STAU2: variants seen among roughly 807,000 people sequenced by gnomAD.
The protein encoded by STAU2 is staufen double-stranded RNA binding protein 2.
Under a neutral mutation model 65.9 loss-of-function variants are expected in STAU2, and 20 were observed. That is an observed-to-expected ratio of 0.30 (90% CI 0.21 to 0.44). The LOEUF (loss-of-function observed/expected upper bound fraction) is 0.44. STAU2 is among the 20% of genes least tolerant of loss of function. The pLI, the probability that STAU2 is intolerant of heterozygous loss-of-function variation, is 1.00. For missense variants in STAU2, 558 were observed against 683.9 expected (o/e 0.82, Z 2.05); for synonymous variants, 232 against 233.9 (o/e 0.99, Z 0.07).
chr8:73,536,168 T>C (rs995394278), intron 13 of STAU2, among the ~76,000 whole-genome samples: 1 of 152,186 alleles, frequency 6.6e-6, no homozygotes, highest in Non-Finnish European at 1.5e-5. Flanking sequence ...CTGGACGCTA[T>C]ATATAAAATA....
chr8:73,526,432 GT>G (rs1371607754), intron 13 of STAU2, among the ~76,000 whole-genome samples: 8 of 152,176 alleles, frequency 5.3e-5, no homozygotes, highest in Admixed American at 1.3e-4. Context: ...CCTTAAGAAT[GT>G]TTTCCAAAGT....
intron 13 of STAU2, among the ~76,000 whole-genome samples, chr8:73,444,273 G>A (rs1443383315): frequency 1.3e-5 from 2 of 152,072 alleles, no homozygotes; most frequent in African/African-American, 4.8e-5. Flanking sequence ...AGGCATGGTG[G>A]TGCACACCTG....
chr8:73,485,140 T>A (rs1200916148), intron 13 of STAU2, among the ~76,000 whole-genome samples: 2 of 104,790 alleles, frequency 1.9e-5, no homozygotes, highest in Non-Finnish European at 1.8e-5. Flanking sequence ...ACATCCTTAC[T>A]CTTTTTTTTT....
chr8:73,447,816 G>A (rs1306190931), intron 13 of STAU2, among the ~76,000 whole-genome samples: 3 of 152,156 alleles, frequency 2.0e-5, no homozygotes, highest in African/African-American at 7.2e-5. Context: ...TGGGTGGCTA[G>A]GGGACACTTC....
chr8:73,543,930 A>G (rs1032502766), intron 13 of STAU2, among the ~76,000 whole-genome samples: 2 of 152,208 alleles, frequency 1.3e-5, no homozygotes, highest in African/African-American at 4.8e-5. Context: ...ACCGATTTCA[A>G]CTGCCTACTG....
chr8:73,745,506 G>A (rs969798267), intron 1 of STAU2, among the ~76,000 whole-genome samples: 1 of 152,190 alleles, frequency 6.6e-6, no homozygotes, highest in Non-Finnish European at 1.5e-5. Context: ...AAGTATTCAC[G>A]ATGCTGGTCT....
intron 7 of STAU2, among the ~76,000 whole-genome samples, chr8:73,617,036 T>C (rs569549831): frequency 6.6e-6 from 1 of 152,272 alleles, no homozygotes; most frequent in African/African-American, 2.4e-5. Context: ...TAGTATGAAA[T>C]ATAAGCCAAA....
At chr8:73,552,998 A>T (rs990097477) in intron 12 of STAU2, among the ~76,000 whole-genome samples, 14 of 152,188 alleles carry the variant, frequency 9.2e-5, no homozygotes, top group Non-Finnish European at 1.8e-4. Context: ...TTGCTCAAAC[A>T]TCTCAAGAAT....
At chr8:73,602,195 T>C (rs142503451) in intron 10 of STAU2, among the ~76,000 whole-genome samples, 3 of 152,222 alleles carry the variant, frequency 2.0e-5, no homozygotes, top group East Asian at 1.9e-4. Flanking sequence ...AACCACTGTA[T>C]TGGGTACTGA....
At chr8:73,584,168 C>T (rs1010231326) in intron 11 of STAU2, among the ~76,000 whole-genome samples, 1 of 152,130 alleles carries the variant, frequency 6.6e-6, no homozygotes, top group African/African-American at 2.4e-5. Context: ...TTAGAAACAA[C>T]CAGCAGCTTC....
At chr8:73,747,253 C>G (rs1213560994), upstream of STAU2, 2 of 1,105,280 alleles carry the variant, frequency 1.8e-6, no homozygotes, top group Non-Finnish European at 2.5e-6. Context: ...GGCGCGACTC[C>G]CCGCCCCCTC....
chr8:73,737,418 G>C (rs1309837775), intron 3 of STAU2, among the ~76,000 whole-genome samples: 1 of 152,050 alleles, frequency 6.6e-6, no homozygotes, highest in East Asian at 1.9e-4. Flanking sequence ...TGATCTGCCC[G>C]CCTTGGCCTC....
At chr8:73,555,840 T>A (rs1807713493) in intron 12 of STAU2, among the ~76,000 whole-genome samples, 2 of 152,218 alleles carry the variant, frequency 1.3e-5, no homozygotes, top group Non-Finnish European at 2.9e-5. Context: ...GATGACTGTA[T>A]ATCAATCCTA....
chr8:73,684,335 G>C (rs768523756), intron 5 of STAU2, among the ~76,000 whole-genome samples: 1 of 152,072 alleles, frequency 6.6e-6, no homozygotes, highest in East Asian at 1.9e-4. Flanking sequence ...TTTCATCACA[G>C]CACACAAAAA....
intron 13 of STAU2, among the ~76,000 whole-genome samples, chr8:73,491,099 C>T (rs1267181893): frequency 2.0e-5 from 3 of 151,924 alleles, no homozygotes; most frequent in South Asian, 2.1e-4. Context: ...CAATCAGAAG[C>T]AGTTTTAACA....
At chr8:73,432,228 C>T (rs980362016) in intron 13 of STAU2, among the ~76,000 whole-genome samples, 1 of 152,172 alleles carries the variant, frequency 6.6e-6, no homozygotes, top group Non-Finnish European at 1.5e-5. Flanking sequence ...CTCCTGGGAG[C>T]TGATCTAACT....
intron 11 of STAU2, among the ~76,000 whole-genome samples, chr8:73,592,118 A>G (rs972758224): frequency 2.0e-5 from 3 of 151,850 alleles, no homozygotes; most frequent in Non-Finnish European, 4.4e-5. Context: ...TAAAGAGCAG[A>G]AATCAAAAAA....
intron 3 of STAU2, among the ~76,000 whole-genome samples, chr8:73,716,156 T>C (rs1821235898): frequency 6.6e-6 from 1 of 151,906 alleles, no homozygotes; most frequent in African/African-American, 2.4e-5. Context: ...TGGTGTGATC[T>C]TGGCTCACTG....
chr8:73,725,663 G>C (rs1482811073), intron 3 of STAU2, among the ~76,000 whole-genome samples: 5 of 152,228 alleles, frequency 3.3e-5, no homozygotes, highest in African/African-American at 7.2e-5. Flanking sequence ...TGAGCATAGT[G>C]GCTCATGCCT....
Sources: allele counts gnomAD v4.1 joint callset (sites outside exome capture counted in the v4.1 genomes callset), GRCh38; gene constraint gnomAD v4.1.1; transcripts MANE v1.5; gene names NCBI Gene and HGNC (gene_info 2026-07-23, HGNC 2026-07-21).